The following NCCRP1 variants were observed in gnomAD, a reference collection of about 807,000 sequenced individuals.
The protein encoded by NCCRP1 is F-box only protein 50.
A neutral mutation model predicts 34.4 loss-of-function variants in NCCRP1; 32 were observed. That is an observed-to-expected ratio of 0.93 (90% CI 0.70 to 1.25). The LOEUF (loss-of-function observed/expected upper bound fraction) is 1.25, where lower values mean the gene tolerates loss of function less well. Ranked by LOEUF, NCCRP1 falls within the 50% of genes most tolerant of loss-of-function variation. The pLI, the probability that NCCRP1 is intolerant of heterozygous loss-of-function variation, is 0.00. For synonymous variants in NCCRP1, 172 were observed against 180.1 expected (o/e 0.95, Z 0.36); for missense variants, 372 against 391.8 (o/e 0.95, Z 0.43).
rs1242586694 is a variant in NCCRP1 at position 39,200,151 on chromosome 19, C to T, written c.549-195C>T. Among the ~76,000 whole-genome samples the T allele has an allele frequency of 6.6e-6, 1 of 152,200 alleles. No individual in the cohort carries two copies. Among genetic ancestry groups the T allele is most frequent in the Non-Finnish European group, 1.5e-5 (1 of 68,044 alleles). ...GTCATGTTTGGTGGCATGCCTGCCT[C>T]CCTCACTGGACTGTGAATCCCATGT... On this transcript the variant is annotated intron_variant, in intron 4 of 5. Transcript: ENST00000339852. The surrounding 1 kb of genome is among the most constrained non-coding windows in gnomAD (Gnocchi z 5.8).
In NCCRP1 at chr19:39,200,538, G is replaced by C; in HGVS notation, c.687+54G>C. On this transcript the variant is annotated intron_variant, in intron 5 of 5. Coordinates refer to ENST00000339852, the MANE Select transcript of NCCRP1 (RefSeq NM_001001414.2). The surrounding 1 kb of genome is among the most constrained non-coding windows in gnomAD (Gnocchi z 5.8). ...CCCCAGACGTGTGTTCTTGTCCCAA[G>C]ACCTCACAGAGGGAGGAGAACAGGT... 1 of 1,610,444 alleles carries C rather than the reference G, an allele frequency of 6.2e-7. No individual in the cohort carries two copies. The highest frequency in any genetic ancestry group is 8.5e-7 in the Non-Finnish European group (1 of 1,178,292).
rs2074782122 is a variant in NCCRP1 at position 39,200,290 on chromosome 19, T to C, written c.549-56T>C. Reference sequence around the variant, plus strand: ...TTGAATGGGGAATGGGGCCAGGGGCTGGGGCTGGGTAGCTGAGACTGCAGT... The same window carrying C: ...TTGAATGGGGAATGGGGCCAGGGGCCGGGGCTGGGTAGCTGAGACTGCAGT... On this transcript the variant is annotated intron_variant, in intron 4 of 5. Coordinates refer to ENST00000339852, the MANE Select transcript of NCCRP1 (RefSeq NM_001001414.2). This position sits in a 1 kb window ranked among gnomAD's most constrained non-coding sequence, Gnocchi z 5.8. 6.3e-7 allele frequency: 1 copy of C among 1,599,276 alleles called. No individual in the cohort carries two copies. The highest frequency in any genetic ancestry group is 8.5e-7 in the Non-Finnish European group (1 of 1,172,570).
At position 39,197,087 on chromosome 19, in the gene NCCRP1, G is replaced by T. The variant is rs758019451; in HGVS notation, c.105G>T (p.Pro35=). The T allele has an allele frequency of 4.6e-6, 7 of 1,528,586 alleles. No individual in the cohort carries two copies. The highest frequency in any genetic ancestry group is 1.4e-5 in the African/African-American group (1 of 71,882). The allele number at this position is 1,528,586 out of a possible 1,614,324, so 94.7% of individuals were successfully genotyped here. Residue 35 remains proline, a synonymous_variant, in exon 1 of 6, where the codon CCG becomes CCT. Coordinates refer to ENST00000339852, the MANE Select transcript of NCCRP1 (RefSeq NM_001001414.2). ...CCTCGCCACGGTCGCCTTCACCGCC[G>T]CCGTCGCCGCCACCACTGCCCTCGC... ...LPPSPRSPSP[P]PSPPPLPSPP...
rs1358392177 is a variant in NCCRP1, at chr19:39,199,346, TG to T, written c.548+82del. 2.3e-6 allele frequency: 3 copies of T among 1,301,334 alleles called. No individual in the cohort carries two copies. In the African/African-American group the frequency reaches 4.3e-5, roughly 19 times the overall value. The allele number at this position is 1,301,334 out of a possible 1,614,324, so 80.6% of individuals were successfully genotyped here. ...CATGAGCCTTACTCTGAGCTCCCCT[TG>T]CTTTCAGCCCTTCACCAAGACCCTC... On this transcript the variant is annotated intron_variant, in intron 4 of 5. Transcript: ENST00000339852.
At position 39,197,143 on chromosome 19, in the gene NCCRP1, A is replaced by G; in HGVS notation, c.161A>G (p.Glu54Gly). The change falls in exon 1 of 6, where the codon GAG becomes GGG. Residue 54 changes from glutamate to glycine, a missense_variant. Coordinates refer to ENST00000339852, the MANE Select transcript of NCCRP1 (RefSeq NM_001001414.2). The part of the protein sequence containing the change: ...PPSLPSPAAP[E>G]APELPEPAQP... The stretch of plus-strand genomic sequence containing the variant: ...TCGCTGCCATCGCCCGCAGCCCCGG[A>G]GGCCCCCGAGCTCCCCGAGCCGGCG... 6.7e-7 allele frequency: 1 copy of G among 1,494,298 alleles called. No homozygotes were observed. Among genetic ancestry groups the G allele is most frequent in the Non-Finnish European group, 8.8e-7 (1 of 1,131,392 alleles). The allele number at this position is 1,494,298 out of a possible 1,614,324, so 92.6% of individuals were successfully genotyped here.
At chr19:39,197,370 C>T (rs989302963) in intron 1 of NCCRP1, 51 bp downstream of exon 1, 3 of 1,335,660 alleles carry the variant, frequency 2.2e-6, no homozygotes, top group African/African-American at 3.1e-5. Context: ...CCGTCTGTCT[C>T]TTCCTCTTTC....
At position 39,200,698 on chromosome 19, in the gene NCCRP1, G is replaced by A. The variant is rs2074784873; in HGVS notation, c.770G>A (p.Gly257Asp). 5 of 1,613,790 alleles carry A rather than the reference G, an allele frequency of 3.1e-6. No homozygotes were observed. Among genetic ancestry groups the A allele is most frequent in the Admixed American group, 3.3e-5 (2 of 59,996 alleles). ...LHKAKNRMEP[G>D]GLRRTRVTDS... Reference sequence around the variant, plus strand: ...AAGGCCAAGAACCGCATGGAGCCTGGTGGGCTGCGGCGGACACGGGTGACC... The same window carrying A: ...AAGGCCAAGAACCGCATGGAGCCTGATGGGCTGCGGCGGACACGGGTGACC... The change falls in exon 6 of 6, where the codon GGT becomes GAT. Residue 257 changes from glycine to aspartate, a missense_variant. Physicochemically the swap from Gly to Asp is moderately conservative, Grantham distance 94 (BLOSUM62 -1). Transcript: ENST00000339852. This position sits in a 1 kb window ranked among gnomAD's most constrained non-coding sequence, Gnocchi z 5.8.
chr19:39,197,337 G>T lies in NCCRP1; in HGVS notation c.337+18G>T. 1 of 1,421,164 alleles carries T rather than the reference G, an allele frequency of 7.0e-7. No homozygotes were observed. Among genetic ancestry groups the T allele is most frequent in the East Asian group, 2.9e-5 (1 of 34,916 alleles). 88.0% of individuals were successfully genotyped at this position (1,421,164 alleles called of 1,614,324 possible). Reference sequence around the variant, plus strand: ...CCCCGAAGGTGCGCAAGGGCCCAGAGCAGCCAGGAGGCACCACCCTGACCG... The same window carrying T: ...CCCCGAAGGTGCGCAAGGGCCCAGATCAGCCAGGAGGCACCACCCTGACCG... On this transcript the variant is annotated intron_variant, in intron 1 of 5. Transcript: ENST00000339852.
At position 39,200,590 on chromosome 19, in the gene NCCRP1, C is replaced by T. The variant is rs770870612; in HGVS notation, c.688-26C>T. The T allele has an allele frequency of 6.2e-7, 1 of 1,612,746 alleles. No individual in the cohort carries two copies. On this transcript the variant is annotated intron_variant, in intron 5 of 5. Coordinates refer to ENST00000339852, the MANE Select transcript of NCCRP1 (RefSeq NM_001001414.2). The surrounding 1 kb of genome is among the most constrained non-coding windows in gnomAD (Gnocchi z 5.8). ...CGCGGGTCCTCAAAAAGGGCTCCTC[C>T]CTAACCCCAGGTGCTGTCACCACAG...
Position 39,200,647 on chromosome 19 carries a change from G to A in NCCRP1, c.719G>A (p.Gly240Asp), listed in dbSNP as rs781215125. The change falls in exon 6 of 6, where the codon GGT becomes GAT. Residue 240 changes from glycine (G) to aspartate (D), a missense_variant. By Grantham distance (94) the Gly-to-Asp change is moderately conservative (BLOSUM62 -1). Coordinates refer to ENST00000339852, the MANE Select transcript of NCCRP1 (RefSeq NM_001001414.2). The surrounding 1 kb of genome is among the most constrained non-coding windows in gnomAD (Gnocchi z 5.8). ...CACGTATTCCGCCATTATGGTCCCG[G>A]TGTGCGCTTTATCCACTTCCTGCAC... Reference protein sequence around the residue: ...VSHVFRHYGPGVRFIHFLHKA... With the variant: ...VSHVFRHYGPDVRFIHFLHKA... The A allele has an allele frequency of 5.0e-6, 8 of 1,614,160 alleles. No homozygotes were observed. The South Asian group carries it at 5.5e-5, about 11-fold the overall frequency.
chr19:39,198,935 G>T (rs1269504812), intron 3 of NCCRP1, among the ~76,000 whole-genome samples: 7 of 152,136 alleles, frequency 4.6e-5, no homozygotes, highest in African/African-American at 1.7e-4. Context: ...CCACATGTTT[G>T]CTGCTTGACC....
Position 39,200,818 on chromosome 19 carries a change from T to C in NCCRP1, c.*62T>C. On this transcript the variant is annotated 3_prime_UTR_variant, in exon 6 of 6. Coordinates refer to ENST00000339852, the MANE Select transcript of NCCRP1 (RefSeq NM_001001414.2). This position sits in a 1 kb window ranked among gnomAD's most constrained non-coding sequence, Gnocchi z 5.8. ...CCTGACCTTTAGGAGCCCCAACTCTTAGTCACCTCCTAGGCCTCTTATTTC... is the reference window on the plus strand; with the variant it reads ...CCTGACCTTTAGGAGCCCCAACTCTCAGTCACCTCCTAGGCCTCTTATTTC... The C allele has an allele frequency of 6.5e-7, 1 of 1,546,528 alleles. No individual in the cohort carries two copies. Among genetic ancestry groups the C allele is most frequent in the Non-Finnish European group, 8.7e-7 (1 of 1,151,818 alleles).
At chr19:39,198,148 G>C in intron 2 of NCCRP1, 33 bp downstream of exon 2, 1 of 1,614,142 alleles carries the variant, frequency 6.2e-7, no homozygotes, top group South Asian at 1.1e-5. Flanking sequence ...TGCTGAGGGT[G>C]GGGAGGGTCC....
Position 39,200,503 on chromosome 19 carries a change from G to A in NCCRP1, c.687+19G>A. ...GGTCCAGGTGAGACTCTCCGCGCCG[G>A]GGCCCTCAACCCCAGACGTGTGTTC... On this transcript the variant is annotated intron_variant, in intron 5 of 5. Coordinates refer to ENST00000339852, the MANE Select transcript of NCCRP1 (RefSeq NM_001001414.2). This position sits in a 1 kb window ranked among gnomAD's most constrained non-coding sequence, Gnocchi z 5.8. 1.2e-6 allele frequency: 2 copies of A among 1,611,792 alleles called. No individual in the cohort carries two copies. Among genetic ancestry groups the A allele is most frequent in the Non-Finnish European group, 1.7e-6 (2 of 1,179,416 alleles).
Position 39,200,440 on chromosome 19 carries a change from G to GC in NCCRP1, c.649dup (p.Arg217ProfsTer74), listed in dbSNP as rs756352900. 1.9e-6 allele frequency: 3 copies of GC among 1,613,490 alleles called. No homozygotes were observed. Among genetic ancestry groups the GC allele is most frequent in the Non-Finnish European group, 1.7e-6 (2 of 1,180,028 alleles). ...CACGGTCATTGCTCAGCACCACGTG[G>GC]CCCCCCGAACTTCTGGGAGAGGACC... is the stretch of plus-strand genomic sequence containing the variant. On this transcript the variant is annotated frameshift_variant, in exon 5 of 6. Transcript: ENST00000339852. LOFTEE classifies it high-confidence loss of function. This position sits in a 1 kb window ranked among gnomAD's most constrained non-coding sequence, Gnocchi z 5.8.
intron 3 of NCCRP1, 45 bp from the exon 4 acceptor site, chr19:39,199,125 C>T: frequency 6.4e-7 from 1 of 1,572,034 alleles, no homozygotes; most frequent in Non-Finnish European, 8.8e-7. Flanking sequence ...CTCCCTGGAT[C>T]CTGGCAGATC....
chr19:39,200,244 G>A lies in NCCRP1; in HGVS notation c.549-102G>A. ...ACCACCCAGCTCAGGGCTGTGTACA[G>A]CATGGGTAGCAGCATGTGTGTTGAA... On this transcript the variant is annotated intron_variant, in intron 4 of 5. Transcript: ENST00000339852. This position sits in a 1 kb window ranked among gnomAD's most constrained non-coding sequence, Gnocchi z 5.8. 6.8e-7 allele frequency: 1 copy of A among 1,475,486 alleles called. No individual in the cohort carries two copies. Among genetic ancestry groups the A allele is most frequent in the East Asian group, 2.3e-5 (1 of 44,056 alleles). 91.4% of individuals were successfully genotyped at this position (1,475,486 alleles called of 1,614,324 possible). A position where few individuals can be genotyped will look rare whatever the true frequency, so the allele number is the denominator to read the frequency against.
chr19:39,197,035 G>A lies in NCCRP1; in HGVS notation c.53G>A (p.Gly18Glu). ...CTCGGTGGCGGGATGGAAGCCGATG[G>A]GCCCGCGAGCCTCCAGGAGCTGCCT... ...HALGGGMEAD[G>E]PASLQELPPS... Residue 18 changes from glycine (G) to glutamate (E), a missense_variant, in exon 1 of 6, where the codon GGG becomes GAG. Coordinates refer to ENST00000339852, the MANE Select transcript of NCCRP1 (RefSeq NM_001001414.2). The A allele has an allele frequency of 6.5e-7, 1 of 1,533,960 alleles. No homozygotes were observed. The highest frequency in any genetic ancestry group is 1.2e-5 in the South Asian group (1 of 83,968).
At chr19:39,198,394 T>TG (rs2074772445) in intron 3 of NCCRP1, 141 bp downstream of exon 3, 1 of 908,794 alleles carries the variant, frequency 1.1e-6, no homozygotes, top group Non-Finnish European at 1.7e-6. Context: ...AGAGAATGCT[T>TG]GTAAAACACA....
Sources: allele counts gnomAD v4.1 joint callset (sites outside exome capture counted in the v4.1 genomes callset), GRCh38; gene constraint gnomAD v4.1.1; non-coding constraint Gnocchi (gnomAD v3.1); transcripts MANE v1.5; gene names NCBI Gene and HGNC (gene_info 2026-07-23, HGNC 2026-07-21).